The following DLGAP1 variants were observed in gnomAD, a reference collection of about 807,000 sequenced individuals.
DLGAP1 encodes the protein DLG associated protein 1.
A neutral mutation model predicts 90.8 loss-of-function variants in DLGAP1; 11 were observed. That is an observed-to-expected ratio of 0.12 (90% confidence interval 0.08 to 0.20). The LOEUF (loss-of-function observed/expected upper bound fraction) is 0.20. Ranked by LOEUF, DLGAP1 falls within the 10% of genes least tolerant of loss-of-function variation. The pLI, the probability that DLGAP1 is intolerant of heterozygous loss-of-function variation, is 1.00. For missense variants in DLGAP1, 1,050 were observed against 1,333.8 expected, an observed-to-expected ratio of 0.79 and a Z score of 3.31; for synonymous variants, 558 against 540.7, an observed-to-expected ratio of 1.03 and a Z score of -0.44.
At chr18:4,434,506 A>G (rs1473300784) in intron 1 of DLGAP1, among the ~76,000 whole-genome samples, 4 of 152,170 alleles carry the variant, frequency 2.6e-5, no homozygotes, top group African/African-American at 9.7e-5. Flanking sequence ...CCTGTGCTGC[A>G]AGGCTGCCAG....
chr18:4,440,145 T>TAG (rs776336076), intron 1 of DLGAP1, among the ~76,000 whole-genome samples: 1 of 83,666 alleles, frequency 1.2e-5, no homozygotes, highest in Non-Finnish European at 2.4e-5. Context: ...AAAAAAAAAA[T>TAG]AGAGAGAGAG....
intron 4 of DLGAP1, among the ~76,000 whole-genome samples, chr18:3,816,282 G>T (rs528125519): frequency 1.3e-5 from 2 of 152,260 alleles, no homozygotes; most frequent in East Asian, 3.9e-4. Context: ...AAAATTTTAT[G>T]ATTTATGTCA....
intron 1 of DLGAP1, among the ~76,000 whole-genome samples, chr18:4,373,189 T>C (rs1279289323): frequency 3.3e-5 from 5 of 151,898 alleles, no homozygotes; most frequent in African/African-American, 1.2e-4. Flanking sequence ...AATGATGGTG[T>C]CAACAATGGA....
At chr18:4,420,305 G>A (rs1237970664) in intron 1 of DLGAP1, among the ~76,000 whole-genome samples, 4 of 152,154 alleles carry the variant, frequency 2.6e-5, no homozygotes, top group Admixed American at 2.0e-4. Context: ...TAGAACACCC[G>A]AGCAATATTA....
chr18:4,029,459 C>G (rs2074757114), intron 2 of DLGAP1, among the ~76,000 whole-genome samples: 1 of 152,174 alleles, frequency 6.6e-6, no homozygotes, highest in Non-Finnish European at 1.5e-5. Flanking sequence ...TACCTTCCCA[C>G]CAAGGGTTCC....
At chr18:4,396,037 T>A (rs1456335832) in intron 1 of DLGAP1, among the ~76,000 whole-genome samples, 1 of 152,138 alleles carries the variant, frequency 6.6e-6, no homozygotes, top group Non-Finnish European at 1.5e-5. Context: ...TAACAGATAT[T>A]CTAACTCCAC....
chr18:4,245,859 G>A (rs2078642973), intron 1 of DLGAP1, among the ~76,000 whole-genome samples: 1 of 151,916 alleles, frequency 6.6e-6, no homozygotes, highest in East Asian at 1.9e-4. Flanking sequence ...AGGGCTTGGG[G>A]ACAGGGCCCC....
At chr18:3,951,176 A>G (rs1441377900) in intron 3 of DLGAP1, among the ~76,000 whole-genome samples, 1 of 152,254 alleles carries the variant, frequency 6.6e-6, no homozygotes, top group Non-Finnish European at 1.5e-5. Context: ...TGATTTAAGC[A>G]TTAACATTCT....
rs1026960840 is a variant in DLGAP1 at position 4,147,800 on chromosome 18, T to C, written c.-159+3380A>G. Among the ~76,000 whole-genome samples, 5 of 152,202 alleles carry C rather than the reference T, an allele frequency of 3.3e-5. No homozygotes were observed. In the East Asian group the frequency reaches 7.7e-4, roughly 23 times the overall value. On this transcript the variant is annotated intron_variant, in intron 2 of 12. Transcript: ENST00000315677. ...AACACACCTACTCACAATGGTGATG[T>C]TGGCAAGGAAGACCTTTCATTGTGA...
chr18:4,431,651 G>A (rs16946741), intron 1 of DLGAP1, among the ~76,000 whole-genome samples: 11,547 of 152,028 alleles, frequency 0.076, 649 homozygotes, highest in Non-Finnish European at 0.11. Context: ...CTTATTTTTC[G>A]GAATAGAATC....
chr18:3,802,192 C>T (rs2066334751), intron 5 of DLGAP1, among the ~76,000 whole-genome samples: 6 of 151,762 alleles, frequency 4.0e-5, no homozygotes, highest in Admixed American at 3.9e-4. Context: ...ACCATATTGG[C>T]CAGGCTGGTC....
intron 1 of DLGAP1, among the ~76,000 whole-genome samples, chr18:4,353,594 AG>A (rs1206532761): frequency 6.6e-6 from 1 of 152,128 alleles, no homozygotes; most frequent in Non-Finnish European, 1.5e-5. Flanking sequence ...AATTTGGCTT[AG>A]AGAAAACTTT....
At chr18:3,742,607 A>G (rs1379787944) in intron 5 of DLGAP1, 95 bp from the exon 6 acceptor site, 35 of 1,393,032 alleles carry the variant, frequency 2.5e-5, no homozygotes, top group Non-Finnish European at 3.0e-5. Context: ...AGCACCCTAA[A>G]TACTGGGACA....
chr18:4,390,163 T>C (rs1344085925), intron 1 of DLGAP1, among the ~76,000 whole-genome samples: 3 of 35,154 alleles, frequency 8.5e-5, no homozygotes, highest in Non-Finnish European at 2.9e-4. Flanking sequence ...TAACAAATTG[T>C]GTGAAAAAAA....
intron 1 of DLGAP1, among the ~76,000 whole-genome samples, chr18:4,346,822 A>T (rs1345134049): frequency 6.6e-6 from 1 of 152,218 alleles, no homozygotes. Flanking sequence ...TTCTAGCTAA[A>T]TAAATAATTG....
chr18:3,791,634 T>C (rs547946351), intron 5 of DLGAP1, among the ~76,000 whole-genome samples: 117 of 152,354 alleles, frequency 7.7e-4, no homozygotes, highest in South Asian at 2.3e-3. Flanking sequence ...ATAATCATTA[T>C]GCAATACATG....
At chr18:3,822,545 C>T (rs781394636) in intron 4 of DLGAP1, among the ~76,000 whole-genome samples, 1 of 152,190 alleles carries the variant, frequency 6.6e-6, no homozygotes, top group Non-Finnish European at 1.5e-5. Context: ...TTAAGTAAGT[C>T]AAGCTGAGTC....
intron 1 of DLGAP1, among the ~76,000 whole-genome samples, chr18:4,367,712 C>T (rs1326909590): frequency 7.2e-5 from 11 of 151,904 alleles, no homozygotes; most frequent in African/African-American, 2.4e-5. Context: ...AGCTGGGCGT[C>T]GTGGCAGGCA....
intron 2 of DLGAP1, among the ~76,000 whole-genome samples, chr18:4,089,821 G>A (rs529420935): frequency 1.1e-3 from 161 of 152,246 alleles, no homozygotes; most frequent in African/African-American, 3.0e-3. Flanking sequence ...CGAGGCGGGC[G>A]GATCACGAGG....
Sources: gnomAD v4.1 joint callset for allele counts (sites outside exome capture counted in the v4.1 genomes callset) on GRCh38, gnomAD v4.1.1 for gene constraint, MANE v1.5 for transcripts, NCBI Gene and HGNC (gene_info 2026-07-23, HGNC 2026-07-21) for gene names.